ADIPOR1: variants seen among roughly 807,000 people sequenced by gnomAD.
ADIPOR1 encodes adiponectin receptor 1.
Under a neutral mutation model 37.5 loss-of-function variants are expected in ADIPOR1, and 15 were observed. That is an observed-to-expected ratio of 0.40 (90% CI 0.27 to 0.62). The LOEUF (loss-of-function observed/expected upper bound fraction) is 0.62. Among genes scored for constraint, ADIPOR1 ranks in the 20% least tolerant of loss-of-function variants. ADIPOR1 has a pLI of 0.42. For synonymous variants in ADIPOR1, 173 were observed against 173.2 expected (o/e 1.00, Z 0.01); for missense variants, 286 against 478.0 (o/e 0.60, Z 3.75).
At chr1:202,954,102 C>G (rs1017325254) in intron 1 of ADIPOR1, 4 of 152,234 alleles carry the variant, frequency 2.6e-5, no homozygotes, top group Non-Finnish European at 5.9e-5. Flanking sequence ...TCTAGCTCCT[C>G]TATCACTAGC....
rs764226232 is a variant in ADIPOR1, at chr1:202,946,505, G to A, written c.364C>T (p.Arg122Trp). The part of the protein sequence containing the change: ...HGHRPPMPSF[R>W]ACFKSIFRIH... Reference sequence around the variant, plus strand: ...CGGAAGATGCTCTTGAAGCAAGCCCGAAAGGAGGGCATGGGAGGTCTATGA... The same window carrying A: ...CGGAAGATGCTCTTGAAGCAAGCCCAAAAGGAGGGCATGGGAGGTCTATGA... The change falls in exon 4 of 8, where the codon CGG (arginine) becomes TGG (tryptophan). Residue 122 changes from arginine (R) to tryptophan (W), a missense_variant. Transcript: ENST00000340990. 1.9e-6 allele frequency: 3 copies of A among 1,614,050 alleles called. No individual in the cohort carries two copies. Among genetic ancestry groups the A allele is most frequent in the Non-Finnish European group, 2.5e-6 (3 of 1,180,028 alleles).
At chr1:202,944,837 AC>A in intron 5 of ADIPOR1, 145 bp downstream of exon 5, 1 of 726,010 alleles carries the variant, frequency 1.4e-6, no homozygotes, top group East Asian at 2.5e-5. Context: ...TCATCACCCC[AC>A]TATCGCCACA....
chr1:202,945,280 G>T, intron 4 of ADIPOR1, 111 bp from the exon 5 acceptor site: 1 of 1,038,894 alleles, frequency 9.6e-7, no homozygotes, highest in Non-Finnish European at 1.3e-6. Flanking sequence ...AATCATCAGG[G>T]AAATACAAAT....
Position 202,944,922 on chromosome 1 carries a change from CT to C in ADIPOR1, c.617+60del, listed in dbSNP as rs1316250396. ...ATGAGCTCCTATCACCCAGTAAGCACTGGGATCTCAAGATGTGACAACAGTG... is the reference window on the plus strand; with the variant it reads ...ATGAGCTCCTATCACCCAGTAAGCACGGGATCTCAAGATGTGACAACAGTG... On this transcript the variant is annotated intron_variant, in intron 5 of 7. Coordinates refer to ENST00000340990, the MANE Select transcript of ADIPOR1 (RefSeq NM_015999.6). The C allele has an allele frequency of 4.7e-6, 7 of 1,489,684 alleles. No homozygotes were observed. The African/African-American group carries it at 9.8e-5, about 21-fold the overall frequency. The allele number at this position is 1,489,684 out of a possible 1,614,324, so 92.3% of individuals were successfully genotyped here.
intron 1 of ADIPOR1, among the ~76,000 whole-genome samples, chr1:202,951,453 ACCCTCAACTCCCTCCCACAG>A (rs1654578595): frequency 6.6e-6 from 1 of 152,088 alleles, no homozygotes; most frequent in South Asian, 2.1e-4. Flanking sequence ...ACAGCTACCC[ACCCTCAACTCCCTCCCACAG>A]GTATGGAACC....
intron 1 of ADIPOR1, 49 bp from the exon 2 acceptor site, chr1:202,951,213 G>T: frequency 2.1e-6 from 2 of 950,424 alleles, no homozygotes; most frequent in Non-Finnish European, 3.1e-6. Context: ...TCCTCTTACA[G>T]TTTCATTTCT....
At chr1:202,948,231 G>A (rs913764185) in intron 3 of ADIPOR1, 73 bp downstream of exon 3, 1 of 1,260,958 alleles carries the variant, frequency 7.9e-7, no homozygotes, top group East Asian at 2.5e-5. Flanking sequence ...CCCAGTGCAA[G>A]CTTGCTGGCT....
At chr1:202,943,294 T>G (rs80207299) in intron 6 of ADIPOR1, among the ~76,000 whole-genome samples, 2 of 152,230 alleles carry the variant, frequency 1.3e-5, no homozygotes. Context: ...CCAGATGAGA[T>G]GAGACAACAC....
Position 202,946,449 on chromosome 1 carries a change from G to A in ADIPOR1, c.420C>T (p.Thr140=), listed in dbSNP as rs753825645. The change falls in exon 4 of 8, where the codon ACC becomes ACT. Residue 140 remains threonine, a synonymous_variant. Coordinates refer to ENST00000340990, the MANE Select transcript of ADIPOR1 (RefSeq NM_015999.6). ...ATCCAAATCACTCACCAAGCAGATG[G>A]GTCCAGATGTTGCCAGTTTCTGTAT... ...RIHTETGNIW[T]HLLGFVLFLF... is the part of the protein sequence containing the mutation. 5 of 1,613,866 alleles carry A rather than the reference G, an allele frequency of 3.1e-6. No homozygotes were observed. In the African/African-American group the frequency reaches 6.7e-5, roughly 22 times the overall value.
Position 202,949,047 on chromosome 1 carries a change from T to C in ADIPOR1, c.142-627A>G, listed in dbSNP as rs367875533. On this transcript the variant is annotated intron_variant, in intron 2 of 7. Transcript: ENST00000340990. The stretch of plus-strand genomic sequence containing the variant: ...CTCACGTGATCCTCCTGCCTCGGCC[T>C]CCCAAAGTGCTGGGATTACAGGCTG... Among the ~76,000 whole-genome samples the C allele has an allele frequency of 3.1e-3, 463 of 151,578 alleles. 3 individuals are homozygous for C. The highest frequency in any genetic ancestry group is 0.01 in the African/African-American group (415 of 41,402).
chr1:202,948,508 C>T, intron 2 of ADIPOR1, 88 bp from the exon 3 acceptor site: 2 of 1,065,942 alleles, frequency 1.9e-6, no homozygotes. Context: ...AAACCCAAAC[C>T]TAATGCCTTC....
chr1:202,943,775 T>C lies in ADIPOR1; in HGVS notation c.788A>G (p.His263Arg). The C allele has an allele frequency of 6.2e-7, 1 of 1,613,472 alleles. No homozygotes were observed. Among genetic ancestry groups the C allele is most frequent in the Non-Finnish European group, 8.5e-7 (1 of 1,179,990 alleles). ...AQWDRFATPK[H>R]RQTRAGVFLG... ...CGACCTACCTGCTCTTGTCTGCCGG[T>C]GCTTAGGAGTGGCAAACCGGTCCCA... is the stretch of plus-strand genomic sequence containing the variant. The change falls in exon 6 of 8, where the codon CAC becomes CGC. Residue 263 changes from histidine to arginine, a missense_variant. Physicochemically the swap from His to Arg is conservative, Grantham distance 29 (BLOSUM62 0). Coordinates refer to ENST00000340990, the MANE Select transcript of ADIPOR1 (RefSeq NM_015999.6).
chr1:202,942,150 C>T lies in ADIPOR1; in HGVS notation c.874G>A (p.Val292Ile), dbSNP rs749903174. 2 of 1,614,196 alleles carry T rather than the reference C, an allele frequency of 1.2e-6. No individual in the cohort carries two copies. The highest frequency in any genetic ancestry group is 2.2e-5 in the South Asian group (2 of 91,082). ...TMHFTIAEGF[V>I]KATTVGQMGW... is the part of the protein sequence containing the mutation. ...ATCTGGCCCACTGTGGTGGCCTTGA[C>T]AAAGCCCTCAGCGATAGTAAAGTGC... Residue 292 changes from valine to isoleucine, a missense_variant, in exon 7 of 8, where the codon GTC (valine) becomes ATC (isoleucine). Physicochemically the swap from Val to Ile is conservative, Grantham distance 29. Transcript: ENST00000340990.
chr1:202,949,416 T>A lies in ADIPOR1; in HGVS notation c.142-996A>T, dbSNP rs555521210. 2.3e-3 allele frequency among the ~76,000 whole-genome samples: 341 copies of A among 151,000 alleles called. 2 individuals are homozygous for A. The highest frequency in any genetic ancestry group is 0.014 in the Middle Eastern group (4 of 292). On this transcript the variant is annotated intron_variant, in intron 2 of 7. Coordinates refer to ENST00000340990, the MANE Select transcript of ADIPOR1 (RefSeq NM_015999.6). ...TAACACGGTGAAACCCTGTCTCTAC[T>A]AAAAATACAAAAAATTAGCCGGGCG...
chr1:202,948,837 G>C (rs973071210), intron 2 of ADIPOR1, among the ~76,000 whole-genome samples: 1 of 151,180 alleles, frequency 6.6e-6, no homozygotes, highest in Non-Finnish European at 1.5e-5. Flanking sequence ...TGTCACCCAG[G>C]CTGGAGTACA....
In ADIPOR1 at chr1:202,945,086, C is replaced by T; in HGVS notation, c.514G>A (p.Val172Ile). Residue 172 changes from valine (V) to isoleucine (I), a missense_variant, in exon 5 of 8, where the codon GTT becomes ATT. Physicochemically the swap from Val to Ile is conservative, Grantham distance 29. Coordinates refer to ENST00000340990, the MANE Select transcript of ADIPOR1 (RefSeq NM_015999.6). ...GCACCCAAAAAGAACATCCCAAAAA[C>T]CACCTTCTCCTGTAGAGGGGCCATG... is the stretch of plus-strand genomic sequence containing the variant. Reference protein sequence around the residue: ...YFMAPLQEKVVFGMFFLGAVL... With the variant: ...YFMAPLQEKVIFGMFFLGAVL... 6.2e-7 allele frequency: 1 copy of T among 1,614,166 alleles called. No individual in the cohort carries two copies. The highest frequency in any genetic ancestry group is 8.5e-7 in the Non-Finnish European group (1 of 1,180,012).
intron 4 of ADIPOR1, among the ~76,000 whole-genome samples, chr1:202,945,645 T>C (rs1362234968): frequency 3.9e-5 from 6 of 152,140 alleles, no homozygotes; most frequent in Non-Finnish European, 8.8e-5. Context: ...ATAAAGGAAA[T>C]GTGGTGTATG....
chr1:202,957,922 G>A (rs1654847298), intron 1 of ADIPOR1, among the ~76,000 whole-genome samples: 1 of 152,228 alleles, frequency 6.6e-6, no homozygotes, highest in East Asian at 1.9e-4. Context: ...ACTGCCGGGA[G>A]TCGGGGGACA....
chr1:202,957,642 G>A (rs569298722), intron 1 of ADIPOR1, among the ~76,000 whole-genome samples: 1 of 152,280 alleles, frequency 6.6e-6, no homozygotes, highest in Non-Finnish European at 1.5e-5. Flanking sequence ...TAACCCTGCA[G>A]AGCGATCACC....
Sources: gnomAD v4.1 joint callset for allele counts (sites outside exome capture counted in the v4.1 genomes callset) on GRCh38, gnomAD v4.1.1 for gene constraint, MANE v1.5 for transcripts, NCBI Gene and HGNC (gene_info 2026-07-23, HGNC 2026-07-21) for gene names.